ITM2B: variants seen among roughly 807,000 people sequenced by gnomAD.
The protein encoded by ITM2B is ABri/ADan amyloid peptide.
In ITM2B, 11 loss-of-function variants were observed where a neutral mutation model predicts 27.8. The ratio of observed to expected loss-of-function variants is 0.40; its 90% CI spans 0.25 to 0.66. ITM2B has a LOEUF of 0.66. Ranked by LOEUF, ITM2B falls within the 30% of genes least tolerant of loss-of-function variation. ITM2B has a pLI of 0.43. For missense variants in ITM2B, 296 were observed against 328.9 expected, an observed-to-expected ratio of 0.90 and a Z score of 0.77; for synonymous variants, 114 against 114.3, an observed-to-expected ratio of 1.00 and a Z score of 0.02.
intron 5 of ITM2B, among the ~76,000 whole-genome samples, chr13:48,259,290 C>G (rs1436970933): frequency 6.6e-6 from 1 of 152,128 alleles, no homozygotes; most frequent in Non-Finnish European, 1.5e-5. Context: ...GGGACCAGCT[C>G]TTCAGCTGTG....
At chr13:48,245,187 C>T (rs926638465) in intron 1 of ITM2B, among the ~76,000 whole-genome samples, 12 of 152,036 alleles carry the variant, frequency 7.9e-5, no homozygotes, top group African/African-American at 2.9e-4. Flanking sequence ...TTAGCTGGGC[C>T]TGGTGGCATG....
chr13:48,248,494 T>G (rs1049263462), intron 1 of ITM2B, among the ~76,000 whole-genome samples: 2 of 152,118 alleles, frequency 1.3e-5, no homozygotes, highest in South Asian at 2.1e-4. Flanking sequence ...TTCGAATTTT[T>G]TTTTTGTTGC....
intron 1 of ITM2B, among the ~76,000 whole-genome samples, chr13:48,239,631 C>G (rs1951688377): frequency 6.6e-6 from 1 of 152,066 alleles, no homozygotes; most frequent in African/African-American, 2.4e-5. Flanking sequence ...GACTCTGTCT[C>G]AAAAAACAAA....
At chr13:48,260,769 G>A (rs1951817420) in intron 5 of ITM2B, among the ~76,000 whole-genome samples, 1 of 151,962 alleles carries the variant, frequency 6.6e-6, no homozygotes, top group Admixed American at 6.6e-5. Flanking sequence ...TTTTTTTAAA[G>A]TCAGCCTTAC....
intron 4 of ITM2B, 85 bp downstream of exon 4, chr13:48,258,321 C>T: frequency 1.3e-6 from 1 of 785,468 alleles, no homozygotes; most frequent in Non-Finnish European, 2.3e-6. Context: ...CTATAGGAGC[C>T]CATTTTATCA....
rs1263386541 is a variant in ITM2B, at chr13:48,233,490, G to A, written c.117+13G>A. The A allele has an allele frequency of 9.3e-6, 14 of 1,497,486 alleles. No individual in the cohort carries two copies. The highest frequency in any genetic ancestry group is 8.7e-5 in the Admixed American group (4 of 46,158). The allele number at this position is 1,497,486 out of a possible 1,614,324, so 92.8% of individuals were successfully genotyped here. ...GGTGGACTGCAAGGTCCGAGCCCGG[G>A]GAGGTCGAGGAAGCGGGTGCTGGGC... On this transcript the variant is annotated intron_variant, in intron 1 of 5. Coordinates refer to ENST00000647800, the MANE Select transcript of ITM2B (RefSeq NM_021999.5).
At chr13:48,259,079 T>A (rs1951807059) in intron 5 of ITM2B, 132 bp downstream of exon 5, 1 of 644,848 alleles carries the variant, frequency 1.6e-6, no homozygotes, top group Non-Finnish European at 2.6e-6. Flanking sequence ...ATATAATATT[T>A]CCAGGTTTCT....
chr13:48,259,901 C>T (rs1951811904), intron 5 of ITM2B, among the ~76,000 whole-genome samples: 1 of 151,864 alleles, frequency 6.6e-6, no homozygotes, highest in African/African-American at 2.4e-5. Flanking sequence ...GTACAATATG[C>T]AGGTTTGTTA....
rs1294970211 is a variant in ITM2B, at chr13:48,266,092, T to A, written c.*4868T>A. On this transcript the variant is annotated 3_prime_UTR_variant, in exon 6 of 6. Coordinates refer to ENST00000647800, the MANE Select transcript of ITM2B (RefSeq NM_021999.5). ...TCTGGGTATTATATTTCCCAACCAGTTGTCTGACTTTCTCCTCAGATCTCA... is the reference window on the plus strand; with the variant it reads ...TCTGGGTATTATATTTCCCAACCAGATGTCTGACTTTCTCCTCAGATCTCA... The A allele has an allele frequency of 1.3e-5, 2 of 152,126 alleles. No homozygotes were observed. The allele number at this position is 152,126 out of a possible 1,614,324, so 9.4% of individuals were successfully genotyped here.
chr13:48,259,516 TAAAA>T (rs778824167), intron 5 of ITM2B, among the ~76,000 whole-genome samples: 2 of 152,114 alleles, frequency 1.3e-5, no homozygotes, highest in Non-Finnish European at 2.9e-5. Flanking sequence ...ATTGTGAAAA[TAAAA>T]AGAAAGTACA....
At chr13:48,245,893 C>T (rs1951722030) in intron 1 of ITM2B, among the ~76,000 whole-genome samples, 1 of 151,990 alleles carries the variant, frequency 6.6e-6, no homozygotes, top group Non-Finnish European at 1.5e-5. Flanking sequence ...ATTCTCCTGC[C>T]TCAGCCTCCC....
chr13:48,239,859 T>C (rs1422020132), intron 1 of ITM2B, among the ~76,000 whole-genome samples: 1 of 152,234 alleles, frequency 6.6e-6, no homozygotes, highest in Non-Finnish European at 1.5e-5. Context: ...GCCTGCTGTT[T>C]TTCTGTAGCC....
intron 3 of ITM2B, 79 bp downstream of exon 3, chr13:48,256,462 G>T: frequency 8.8e-7 from 1 of 1,130,510 alleles, no homozygotes. Flanking sequence ...TTCAATATTT[G>T]CTAATTTATT....
At chr13:48,235,130 G>C (rs1391754254) in intron 1 of ITM2B, among the ~76,000 whole-genome samples, 2 of 152,178 alleles carry the variant, frequency 1.3e-5, no homozygotes, top group South Asian at 2.1e-4. Flanking sequence ...GCTTTTCTCT[G>C]TTCCGCTGTA....
intron 2 of ITM2B, among the ~76,000 whole-genome samples, chr13:48,255,319 TCTCAC>T (rs1269069684): frequency 2.6e-5 from 4 of 151,856 alleles, no homozygotes; most frequent in Admixed American, 2.0e-4. Context: ...TGAGATGGGG[TCTCAC>T]TCTGTCATCC....
chr13:48,239,507 C>T (rs1240172602), intron 1 of ITM2B, among the ~76,000 whole-genome samples: 1 of 152,168 alleles, frequency 6.6e-6, no homozygotes, highest in Non-Finnish European at 1.5e-5. Context: ...TGGCATGCGC[C>T]TGTGATTCCA....
At chr13:48,249,114 A>C (rs1012034721) in intron 1 of ITM2B, among the ~76,000 whole-genome samples, 1 of 152,220 alleles carries the variant, frequency 6.6e-6, no homozygotes, top group Non-Finnish European at 1.5e-5. Flanking sequence ...CAAGATACGA[A>C]AGATTTCCAT....
At chr13:48,260,578 C>T (rs919985907) in intron 5 of ITM2B, among the ~76,000 whole-genome samples, 1 of 151,776 alleles carries the variant, frequency 6.6e-6, no homozygotes, top group African/African-American at 2.4e-5. Context: ...CAGTGAGTTC[C>T]CAGTGTTTAG....
In ITM2B at chr13:48,233,305, C is replaced by A; in HGVS notation, c.-56C>A. ...AGAGGCTGCAATCGCAGCCGGGAGC[C>A]CGCAGCCCGCGCCCCGAGCCCGCCG... On this transcript the variant is annotated 5_prime_UTR_variant, in exon 1 of 6. Transcript: ENST00000647800. The A allele has an allele frequency of 8.4e-7, 1 of 1,184,810 alleles. No homozygotes were observed. Among genetic ancestry groups the A allele is most frequent in the Non-Finnish European group, 1.2e-6 (1 of 838,970 alleles). 73.4% of individuals were successfully genotyped at this position (1,184,810 alleles called of 1,614,324 possible).
Sources: allele counts gnomAD v4.1 joint callset (sites outside exome capture counted in the v4.1 genomes callset), GRCh38; gene constraint gnomAD v4.1.1; transcripts MANE v1.5; gene names NCBI Gene and HGNC (gene_info 2026-07-23, HGNC 2026-07-21).